The following RPS6KA5 variants were observed in gnomAD, a reference collection of about 807,000 sequenced individuals.
RPS6KA5 encodes ribosomal protein S6 kinase A5.
A neutral mutation model predicts 85.5 loss-of-function variants in RPS6KA5; 27 were observed. That is an observed-to-expected ratio of 0.32 (90% CI 0.23 to 0.44). The LOEUF (loss-of-function observed/expected upper bound fraction) is 0.44, where lower values mean the gene tolerates loss of function less well. Among genes scored for constraint, RPS6KA5 ranks in the 20% least tolerant of loss-of-function variants. The pLI is 1.00. For synonymous variants in RPS6KA5, 334 were observed against 348.2 expected (o/e 0.96, Z 0.46); for missense variants, 811 against 980.9 (o/e 0.83, Z 2.31).
chr14:91,024,172 A>C (rs1351310369), intron 1 of RPS6KA5, among the ~76,000 whole-genome samples: 2 of 152,138 alleles, frequency 1.3e-5, no homozygotes, highest in Non-Finnish European at 2.9e-5. Context: ...GAACTTGTAA[A>C]TATATTCATC....
In RPS6KA5 at chr14:90,872,166, T is replaced by C; in HGVS notation, c.2317A>G (p.Lys773Glu). The C allele has an allele frequency of 6.2e-7, 1 of 1,613,934 alleles. No homozygotes were observed. The highest frequency in any genetic ancestry group is 8.5e-7 in the Non-Finnish European group (1 of 1,179,992). The change falls in exon 17 of 17, where the codon AAA becomes GAA. Residue 773 changes from lysine (K) to glutamate (E), a missense_variant. This residue lies in a region of RPS6KA5 where 650 missense variants were observed against 793.4 expected (regional missense o/e 0.82). Coordinates refer to ENST00000614987, the MANE Select transcript of RPS6KA5 (RefSeq NM_004755.4). ...SHSSSSHSHG[K>E]TTPTKTLQPS... ...TGCAGTGTCTTGGTGGGTGTAGTTT[T>C]ACCGTGAGAATGAGAGGAAGAAGAA... is the stretch of plus-strand genomic sequence containing the variant.
chr14:90,972,039 A>C (rs2039343857), intron 3 of RPS6KA5, among the ~76,000 whole-genome samples: 1 of 152,236 alleles, frequency 6.6e-6, no homozygotes, highest in African/African-American at 2.4e-5. Context: ...ATGACAGAAT[A>C]TCTAAGATTC....
At chr14:90,872,502 G>A (rs2033186443) in intron 16 of RPS6KA5, among the ~76,000 whole-genome samples, 180 bp from the exon 17 acceptor site, 1 of 151,948 alleles carries the variant, frequency 6.6e-6, no homozygotes, top group Admixed American at 6.6e-5. Context: ...GAAGTTCATG[G>A]GAAAAAAATT....
At chr14:91,023,113 C>G (rs958536240) in intron 1 of RPS6KA5, among the ~76,000 whole-genome samples, 26 of 129,986 alleles carry the variant, frequency 2.0e-4, no homozygotes, top group Non-Finnish European at 3.1e-4. Context: ...GATTTGTGTA[C>G]TACTCTTCTA....
intron 2 of RPS6KA5, among the ~76,000 whole-genome samples, chr14:90,978,884 G>GAT (rs1050812393): frequency 1.8e-4 from 27 of 151,670 alleles, no homozygotes; most frequent in Non-Finnish European, 3.1e-4. Context: ...AAAACTTCTA[G>GAT]ATATATATAT....
At chr14:90,965,664 A>G (rs1223608031) in intron 3 of RPS6KA5, among the ~76,000 whole-genome samples, 2 of 152,116 alleles carry the variant, frequency 1.3e-5, no homozygotes, top group South Asian at 2.1e-4. Context: ...TTCATGCCAG[A>G]CCCAGGTGAC....
At position 90,890,496 on chromosome 14, in the gene RPS6KA5, G is replaced by A. The variant is rs765131434; in HGVS notation, c.1827C>T (p.Gly609=). Reference sequence around the variant, plus strand: ...ATTGAAAAGAACTCACCAAAATGACGCCCAAGCTCCACAGGTCACAGGACT... The same window carrying A: ...ATTGAAAAGAACTCACCAAAATGACACCCAAGCTCCACAGGTCACAGGACT... ...YDESCDLWSL[G]VILYTMLSGQ... Residue 609 remains glycine (G), a synonymous_variant, in exon 14 of 17, where the codon GGC becomes GGT. Coordinates refer to ENST00000614987, the MANE Select transcript of RPS6KA5 (RefSeq NM_004755.4). The A allele has an allele frequency of 2.9e-5, 46 of 1,603,422 alleles. No homozygotes were observed. The highest frequency in any genetic ancestry group is 4.5e-5 in the East Asian group (2 of 44,744).
Position 90,875,369 on chromosome 14 carries a change from G to A in RPS6KA5, c.1837-9C>T. The stretch of plus-strand genomic sequence containing the variant: ...CCTGACAACATTGTGTACTATCAGG[G>A]AAAAAGTAACAAAACAGAATGACTA... On this transcript the variant is annotated splice_polypyrimidine_tract_variant and intron_variant, in intron 14 of 16. Transcript: ENST00000614987. 6.2e-7 allele frequency: 1 copy of A among 1,606,328 alleles called. No homozygotes were observed. The highest frequency in any genetic ancestry group is 8.5e-7 in the Non-Finnish European group (1 of 1,175,822).
chr14:91,001,392 A>G (rs1294244296), intron 1 of RPS6KA5, among the ~76,000 whole-genome samples: 1 of 152,232 alleles, frequency 6.6e-6, no homozygotes, highest in African/African-American at 2.4e-5. Context: ...TTTGTACCAA[A>G]TATTAACATA....
At chr14:90,985,195 G>A (rs2040007533) in intron 2 of RPS6KA5, among the ~76,000 whole-genome samples, 2 of 152,062 alleles carry the variant, frequency 1.3e-5, no homozygotes, top group Admixed American at 1.3e-4. Flanking sequence ...TGCCCACCTC[G>A]GCCTCCCAAA....
intron 2 of RPS6KA5, among the ~76,000 whole-genome samples, chr14:90,982,776 C>T (rs1033114907): frequency 9.3e-5 from 14 of 151,340 alleles, no homozygotes; most frequent in Non-Finnish European, 1.5e-4. Flanking sequence ...GTCAGGAATT[C>T]GAGATCAGCC....
At chr14:91,059,328 G>GA (rs1336247622) in intron 1 of RPS6KA5, among the ~76,000 whole-genome samples, 4 of 132,660 alleles carry the variant, frequency 3.0e-5, no homozygotes, top group Non-Finnish European at 4.7e-5. Flanking sequence ...CAACAAGAGC[G>GA]AAACTCTGTC....
At chr14:90,900,469 T>C in intron 10 of RPS6KA5, 142 bp downstream of exon 10, 2 of 802,548 alleles carry the variant, frequency 2.5e-6, no homozygotes, top group Non-Finnish European at 3.6e-6. Flanking sequence ...TGACGTTAAT[T>C]CTCTAGGGAA....
chr14:90,963,918 T>C (rs983931268), intron 3 of RPS6KA5, among the ~76,000 whole-genome samples: 4 of 152,112 alleles, frequency 2.6e-5, no homozygotes, highest in African/African-American at 9.7e-5. Context: ...AGTGGGAGAC[T>C]GGGAGGGAAA....
At chr14:90,913,335 T>C (rs1276960374) in intron 7 of RPS6KA5, among the ~76,000 whole-genome samples, 5 of 152,172 alleles carry the variant, frequency 3.3e-5, no homozygotes, top group African/African-American at 1.2e-4. Context: ...AGGAAAAAAC[T>C]TGTTTCTTTT....
chr14:91,027,917 T>C (rs778532979), intron 1 of RPS6KA5, among the ~76,000 whole-genome samples: 1 of 152,212 alleles, frequency 6.6e-6, no homozygotes, highest in Admixed American at 6.5e-5. Context: ...ATCTCCACCA[T>C]AGAAGCTGTA....
intron 1 of RPS6KA5, among the ~76,000 whole-genome samples, chr14:91,036,835 C>T (rs2042428267): frequency 6.6e-6 from 1 of 152,210 alleles, no homozygotes; most frequent in Admixed American, 6.5e-5. Flanking sequence ...CTTCCTAGCA[C>T]TTCCAGGCTG....
intron 6 of RPS6KA5, among the ~76,000 whole-genome samples, chr14:90,922,511 C>T (rs1460613927): frequency 1.3e-5 from 2 of 152,228 alleles, no homozygotes; most frequent in African/African-American, 4.8e-5. Context: ...TGCAATGGCA[C>T]AATTTCTGCT....
intron 1 of RPS6KA5, among the ~76,000 whole-genome samples, chr14:91,033,506 G>A (rs1267338111): frequency 6.6e-6 from 1 of 152,118 alleles, no homozygotes; most frequent in African/African-American, 2.4e-5. Flanking sequence ...GGAGGCTGAG[G>A]CAGGAGAATC....
Sources: allele counts gnomAD v4.1 joint callset (sites outside exome capture counted in the v4.1 genomes callset), GRCh38; gene constraint gnomAD v4.1.1; regional missense constraint gnomAD v4.1.1; transcripts MANE v1.5; gene names NCBI Gene and HGNC (gene_info 2026-07-23, HGNC 2026-07-21).